Variants in MYLK4 observed in about 807,000 individuals in gnomAD.
The protein encoded by MYLK4 is myosin light chain kinase family member 4.
In MYLK4, 46 loss-of-function variants were observed where a neutral mutation model predicts 48.1. The observed-to-expected ratio is 0.96, with a 90% CI of 0.75 to 1.22. MYLK4 has a LOEUF of 1.22. Among genes scored for constraint, MYLK4 ranks in the 50% most tolerant of loss-of-function variants. The pLI is 0.00. For synonymous variants in MYLK4, 170 were observed against 180.8 expected (o/e 0.94, Z 0.48); for missense variants, 451 against 486.1 (o/e 0.93, Z 0.68).
At chr6:2,759,135 G>A in the MYLK4 span, among the ~76,000 whole-genome samples, 2 of 152,086 alleles carry the variant, frequency 1.3e-5, no homozygotes, top group African/African-American at 2.4e-5. Flanking sequence ...GTTATTTTTA[G>A]AGACAGGTCT....
intron 2 of MYLK4, among the ~76,000 whole-genome samples, chr6:2,737,777 G>C (rs971176691): frequency 6.6e-6 from 1 of 152,126 alleles, no homozygotes; most frequent in African/African-American, 2.4e-5. Context: ...AACTAGATCT[G>C]TAGGACTCTG....
At chr6:2,701,579 G>A (rs568404038) in intron 2 of MYLK4, among the ~76,000 whole-genome samples, 1 of 152,346 alleles carries the variant, frequency 6.6e-6, no homozygotes, top group African/African-American at 2.4e-5. Context: ...AAAGCAAAGA[G>A]ATACTACAAA....
Position 2,690,823 on chromosome 6 carries a change from C to CTTTTTTTT in MYLK4, c.236-1875_236-1868dup, listed in dbSNP as rs35133716. Among the ~76,000 whole-genome samples, 189 of 88,858 alleles carry CTTTTTTTT rather than the reference C, an allele frequency of 2.1e-3. 11 individuals carry two copies. The highest frequency in any genetic ancestry group is 5.9e-3 in the African/African-American group (126 of 21,370). The allele number at this position is 88,858 out of a possible 152,430, so 58.3% of individuals were successfully genotyped here. A position where few individuals can be genotyped will look rare whatever the true frequency, so the allele number is the denominator to read the frequency against. On this transcript the variant is annotated intron_variant, in intron 3 of 12. Transcript: ENST00000274643. Reference sequence around the variant, plus strand: ...AAAAGAAGCAATAATCTCTCTGAATCTTTTTTTTTTTTTTTTTTTTTTTTG... The same window carrying CTTTTTTTT: ...AAAAGAAGCAATAATCTCTCTGAATCTTTTTTTTTTTTTTTTTTTTTTTTTTTTTTTTG...
the MYLK4 span, among the ~76,000 whole-genome samples, chr6:2,769,755 T>C: frequency 4.6e-5 from 7 of 152,220 alleles, no homozygotes. Flanking sequence ...TTGTGTGTTC[T>C]TGTCTATAAA....
chr6:2,732,222 A>G (rs570522913), intron 2 of MYLK4, among the ~76,000 whole-genome samples: 71 of 152,276 alleles, frequency 4.7e-4, no homozygotes, highest in African/African-American at 1.5e-3. Flanking sequence ...GATTTTAGCT[A>G]CCTTTTAGTG....
chr6:2,721,749 C>A (rs151102240), intron 2 of MYLK4, among the ~76,000 whole-genome samples: 73 of 152,238 alleles, frequency 4.8e-4, no homozygotes, highest in Middle Eastern at 3.4e-3. Flanking sequence ...AGAAACTTTT[C>A]CCAATACAAG....
chr6:2,683,234 TGTC>T, intron 6 of MYLK4, 72 bp from the exon 7 acceptor site: 4 of 1,563,172 alleles, frequency 2.6e-6, no homozygotes, highest in East Asian at 2.3e-5. Flanking sequence ...CGTAGTGACT[TGTC>T]GTGCAAGTTC....
intron 10 of MYLK4, among the ~76,000 whole-genome samples, chr6:2,677,584 T>C (rs940888981): frequency 6.6e-6 from 1 of 152,238 alleles, no homozygotes; most frequent in African/African-American, 2.4e-5. Flanking sequence ...TCACTCTTTT[T>C]CATTCACTGA....
At chr6:2,760,435 G>C in the MYLK4 span, among the ~76,000 whole-genome samples, 4 of 152,170 alleles carry the variant, frequency 2.6e-5, no homozygotes, top group Non-Finnish European at 5.9e-5. Context: ...TTTTTATTGA[G>C]GTTTCATTGT....
rs1760571194 is a variant in MYLK4 at position 2,664,501 on chromosome 6, G to C, written c.*3424C>G. On this transcript the variant is annotated 3_prime_UTR_variant, in exon 13 of 13. Coordinates refer to ENST00000274643, the MANE Select transcript of MYLK4 (RefSeq NM_001012418.5). ...TGGCACCCGTGCTGCGTGGCTGGGG[G>C]AGGGGCAGAGGAAGCAGAAGAGACA... is the stretch of plus-strand genomic sequence containing the variant. The C allele has an allele frequency of 6.6e-6, 1 of 152,186 alleles. No homozygotes were observed. Among genetic ancestry groups the C allele is most frequent in the African/African-American group, 2.4e-5 (1 of 41,450 alleles). The allele number at this position is 152,186 out of a possible 1,614,324, so 9.4% of individuals were successfully genotyped here.
upstream of MYLK4, among the ~76,000 whole-genome samples, chr6:2,753,193 T>C (rs1197045894): frequency 2.0e-5 from 3 of 152,200 alleles, no homozygotes; most frequent in Non-Finnish European, 4.4e-5. Context: ...CCCTTGATTT[T>C]TTTCAAGGGA....
At chr6:2,767,477 G>A in the MYLK4 span, among the ~76,000 whole-genome samples, 1 of 152,344 alleles carries the variant, frequency 6.6e-6, no homozygotes, top group South Asian at 2.1e-4. Context: ...TTTAACTCCA[G>A]TTCCTGGAAT....
At chr6:2,766,429 G>T in the MYLK4 span, 1 of 1,574,342 alleles carries the variant, frequency 6.4e-7, no homozygotes, top group Non-Finnish European at 8.7e-7. Context: ...TGTGGGGGCC[G>T]CCGGGCTGCG....
chr6:2,681,195 C>T (rs758085269), intron 7 of MYLK4, among the ~76,000 whole-genome samples: 35 of 152,182 alleles, frequency 2.3e-4, no homozygotes, highest in South Asian at 6.2e-4. Context: ...CCCAGGATCC[C>T]GTTCCTCAGC....
At position 2,749,132 on chromosome 6, in the gene MYLK4, T is replaced by G; in HGVS notation, c.159+4A>C. ...TTTAGGAGACTAAATTAGAACATGA[T>G]TACCTCATTATGTCCAGATCTTGAA... On this transcript the variant is annotated splice_donor_region_variant and intron_variant, in intron 2 of 12. Transcript: ENST00000274643. 3.1e-6 allele frequency: 5 copies of G among 1,612,086 alleles called. No homozygotes were observed. The highest frequency in any genetic ancestry group is 4.2e-6 in the Non-Finnish European group (5 of 1,179,152).
the MYLK4 span, chr6:2,770,199 A>C: frequency 6.2e-7 from 1 of 1,614,196 alleles, no homozygotes; most frequent in Non-Finnish European, 8.5e-7. Context: ...TTCCAGGTCA[A>C]CGCTGCTCTT....
At chr6:2,688,985 T>A in intron 3 of MYLK4, 29 bp from the exon 4 acceptor site, 1 of 1,592,944 alleles carries the variant, frequency 6.3e-7, no homozygotes, top group Non-Finnish European at 8.6e-7. Context: ...AGAAGGGCAA[T>A]CTGTCAAGAA....
chr6:2,736,598 T>C (rs546483623), intron 2 of MYLK4, among the ~76,000 whole-genome samples: 1 of 152,368 alleles, frequency 6.6e-6, no homozygotes, highest in South Asian at 2.1e-4. Flanking sequence ...GATAAGTCAT[T>C]ATGTTATGGT....
intron 8 of MYLK4, 80 bp from the exon 9 acceptor site, chr6:2,679,488 C>T: frequency 6.5e-7 from 1 of 1,541,006 alleles, no homozygotes; most frequent in Non-Finnish European, 9.0e-7. Flanking sequence ...GTCTATGAGA[C>T]AAAATGACTT....
Sources: gnomAD v4.1 joint callset for allele counts (sites outside exome capture counted in the v4.1 genomes callset) on GRCh38, gnomAD v4.1.1 for gene constraint, MANE v1.5 for transcripts, NCBI Gene and HGNC (gene_info 2026-07-23, HGNC 2026-07-21) for gene names.